Variants in DAG1 observed in about 807,000 individuals in gnomAD.
DAG1 encodes the protein dystroglycan 1 (dystrophin-associated glycoprotein 1).
DAG1 carries 8 observed loss-of-function variants against 46.1 expected under a neutral mutation model. That is an observed-to-expected ratio of 0.17 (90% CI 0.10 to 0.31). The LOEUF (loss-of-function observed/expected upper bound fraction) is 0.31, where lower values mean the gene tolerates loss of function less well. Ranked by LOEUF, DAG1 falls within the 10% of genes least tolerant of loss-of-function variation. The pLI, the probability that DAG1 is intolerant of heterozygous loss-of-function variation, is 1.00. For synonymous variants in DAG1, 495 were observed against 481.8 expected, an observed-to-expected ratio of 1.03 and a Z score of -0.36; for missense variants, 1,003 against 1,189.9, an observed-to-expected ratio of 0.84 and a Z score of 2.31.
chr3:49,505,946 A>C (rs2050594695), intron 1 of DAG1, among the ~76,000 whole-genome samples: 1 of 149,012 alleles, frequency 6.7e-6, no homozygotes, highest in African/African-American at 2.5e-5. Flanking sequence ...CTGGAATTAC[A>C]GGCGTGAGCC....
At chr3:49,482,998 C>G (rs1478517122) in intron 1 of DAG1, among the ~76,000 whole-genome samples, 2 of 152,096 alleles carry the variant, frequency 1.3e-5, no homozygotes, top group African/African-American at 4.8e-5. Context: ...TAGATTGATT[C>G]TCTAGCTAGC....
chr3:49,511,047 C>T, intron 2 of DAG1: 3 of 876,506 alleles, frequency 3.4e-6, no homozygotes, highest in Non-Finnish European at 4.1e-6. Context: ...CATGTAATAG[C>T]CTTTACTCTG....
chr3:49,481,396 CA>C (rs10715955), intron 1 of DAG1, among the ~76,000 whole-genome samples: 85,099 of 93,908 alleles, frequency 0.91, 38,470 homozygotes, highest in East Asian at 0.97. Flanking sequence ...GACTCTGCCT[CA>C]AAAAAAAAAA....
Position 49,491,611 on chromosome 3 carries a change from G to T in DAG1, c.-116-18808G>T, listed in dbSNP as rs555785314. Among the ~76,000 whole-genome samples the T allele has an allele frequency of 1.1e-4, 17 of 152,024 alleles. No individual in the cohort carries two copies. In the South Asian group the frequency reaches 3.5e-3, roughly 32 times the overall value. The stretch of plus-strand genomic sequence containing the variant: ...CCTGCCTCAGCCTCCCAAGTAGCTG[G>T]GACTGCAGGCGTCCGCCAACACGCC... On this transcript the variant is annotated intron_variant, in intron 1 of 2. Coordinates refer to ENST00000308775, the MANE Select transcript of DAG1 (RefSeq NM_004393.6).
chr3:49,517,974 T>G (rs1447500238), intron 2 of DAG1, among the ~76,000 whole-genome samples: 1 of 152,172 alleles, frequency 6.6e-6, no homozygotes, highest in Non-Finnish European at 1.5e-5. Flanking sequence ...TGCCCACATG[T>G]GGCAGGGTTG....
At chr3:49,473,447 A>C (rs181989735) in intron 1 of DAG1, among the ~76,000 whole-genome samples, 89 of 152,216 alleles carry the variant, frequency 5.8e-4, no homozygotes, top group Admixed American at 2.6e-3. Context: ...CACAAAAAAA[A>C]CACAAAACTT....
At chr3:49,519,105 C>T (rs777194068) in intron 2 of DAG1, among the ~76,000 whole-genome samples, 8 of 152,134 alleles carry the variant, frequency 5.3e-5, no homozygotes, top group Non-Finnish European at 1.2e-4. Context: ...ACAGTATGAG[C>T]CACCCTTGTC....
chr3:49,525,791 CT>C (rs1279237600), intron 2 of DAG1, among the ~76,000 whole-genome samples: 3 of 151,580 alleles, frequency 2.0e-5, no homozygotes, highest in Non-Finnish European at 4.4e-5. Flanking sequence ...ATCTCCTGAC[CT>C]CGTGATCCGC....
At chr3:49,528,170 C>T (rs949205470) in intron 2 of DAG1, among the ~76,000 whole-genome samples, 15 of 150,986 alleles carry the variant, frequency 9.9e-5, no homozygotes, top group African/African-American at 3.7e-4. Flanking sequence ...AGCATTCAAC[C>T]TTTATTTTAT....
intron 2 of DAG1, among the ~76,000 whole-genome samples, chr3:49,514,581 C>A (rs1345117067): frequency 2.0e-5 from 3 of 152,196 alleles, no homozygotes; most frequent in Non-Finnish European, 4.4e-5. Flanking sequence ...AATGATTCTC[C>A]TGCCTCCATC....
chr3:49,471,768 A>G (rs1311827517), intron 1 of DAG1, among the ~76,000 whole-genome samples: 2 of 152,232 alleles, frequency 1.3e-5, no homozygotes, highest in Non-Finnish European at 2.9e-5. Flanking sequence ...TTGATTCACT[A>G]CCTGCCAAAT....
At chr3:49,529,925 G>C (rs2051293996) in intron 2 of DAG1, among the ~76,000 whole-genome samples, 2 of 152,162 alleles carry the variant, frequency 1.3e-5, no homozygotes, top group Admixed American at 1.3e-4. Context: ...AAAGAAGTCT[G>C]GGAGATGCTG....
In DAG1 at chr3:49,489,284, G is replaced by T. The variant is rs902954551; in HGVS notation, c.-117+18851G>T. Among the ~76,000 whole-genome samples, 4 of 152,196 alleles carry T rather than the reference G, an allele frequency of 2.6e-5. No homozygotes were observed. The South Asian group carries it at 6.2e-4, about 24-fold the overall frequency. On this transcript the variant is annotated intron_variant, in intron 1 of 2. Coordinates refer to ENST00000308775, the MANE Select transcript of DAG1 (RefSeq NM_004393.6). ...ATTTTGTATTTTCAGTAGAAAAGGGGTTTCTCCATGTTGGTCGGGCTGGTC... is the reference window on the plus strand; with the variant it reads ...ATTTTGTATTTTCAGTAGAAAAGGGTTTTCTCCATGTTGGTCGGGCTGGTC...
intron 1 of DAG1, among the ~76,000 whole-genome samples, chr3:49,504,696 C>T (rs2050551327): frequency 1.4e-5 from 2 of 148,124 alleles, no homozygotes; most frequent in Non-Finnish European, 3.0e-5. Flanking sequence ...ATGCCATTCT[C>T]CTGCCTCAGC....
rs1286180017 is a variant in DAG1 at position 49,534,278 on chromosome 3, G to C, written c.*1079G>C. ...TGAAGATGCAATATTTTTATGTCATGTGATGCTCTTTCCTCACTTGACCTT... is the reference window on the plus strand; with the variant it reads ...TGAAGATGCAATATTTTTATGTCATCTGATGCTCTTTCCTCACTTGACCTT... On this transcript the variant is annotated 3_prime_UTR_variant, in exon 3 of 3. Coordinates refer to ENST00000308775, the MANE Select transcript of DAG1 (RefSeq NM_004393.6). 6.6e-6 allele frequency: 1 copy of C among 152,258 alleles called. No individual in the cohort carries two copies. The highest frequency in any genetic ancestry group is 1.5e-5 in the Non-Finnish European group (1 of 67,992). The allele number at this position is 152,258 out of a possible 1,614,324, so 9.4% of individuals were successfully genotyped here.
chr3:49,528,193 G>A (rs2051235588), intron 2 of DAG1, among the ~76,000 whole-genome samples: 2 of 150,672 alleles, frequency 1.3e-5, no homozygotes, highest in East Asian at 1.9e-4. Context: ...GTTTATATAC[G>A]GATGTGGCAG....
At chr3:49,501,655 A>T (rs1221389454) in intron 1 of DAG1, among the ~76,000 whole-genome samples, 2 of 152,128 alleles carry the variant, frequency 1.3e-5, no homozygotes, top group Non-Finnish European at 2.9e-5. Flanking sequence ...CCACTAAAAA[A>T]TACAAAAATT....
chr3:49,471,260 C>T (rs2049510684), intron 1 of DAG1, among the ~76,000 whole-genome samples: 2 of 152,088 alleles, frequency 1.3e-5, no homozygotes, highest in Admixed American at 1.3e-4. Flanking sequence ...CCTAAATAAG[C>T]GAGTAGAAGT....
chr3:49,522,742 T>G (rs941446534), intron 2 of DAG1, among the ~76,000 whole-genome samples: 2 of 152,200 alleles, frequency 1.3e-5, no homozygotes, highest in East Asian at 1.9e-4. Flanking sequence ...ATGCTAGACT[T>G]ACTTTCTATC....
Sources: gnomAD v4.1 joint callset for allele counts (sites outside exome capture counted in the v4.1 genomes callset) on GRCh38, gnomAD v4.1.1 for gene constraint, MANE v1.5 for transcripts, NCBI Gene and HGNC (gene_info 2026-07-23, HGNC 2026-07-21) for gene names.